The following CLTCL1 variants were observed in gnomAD, a reference collection of about 807,000 sequenced individuals.
CLTCL1 encodes clathrin heavy chain 2.
A neutral mutation model predicts 190.0 loss-of-function variants in CLTCL1; 159 were observed. The observed-to-expected ratio is 0.84, with a 90% CI of 0.74 to 0.95. The LOEUF (loss-of-function observed/expected upper bound fraction) is 0.95, where lower values mean the gene tolerates loss of function less well. Ranked by LOEUF, CLTCL1 falls within the 40% of genes least tolerant of loss-of-function variation. The probability of loss-of-function intolerance (pLI) is 0.00; values close to 1 mark genes in which losing one functional copy is unlikely to be tolerated. For missense variants in CLTCL1, 1,878 were observed against 2,033.4 expected, an observed-to-expected ratio of 0.92 and a Z score of 1.47; for synonymous variants, 752 against 769.6, an observed-to-expected ratio of 0.98 and a Z score of 0.38.
intron 1 of CLTCL1, among the ~76,000 whole-genome samples, chr22:19,288,829 G>A (rs893995627): frequency 4.6e-5 from 7 of 152,264 alleles, no homozygotes; most frequent in African/African-American, 1.7e-4. Context: ...CCATGGGGCA[G>A]TGGGTGTGGG....
intron 2 of CLTCL1, among the ~76,000 whole-genome samples, chr22:19,266,110 T>C (rs1463596165): frequency 1.3e-5 from 2 of 152,160 alleles, no homozygotes; most frequent in African/African-American, 4.8e-5. Flanking sequence ...CTTGAACTTC[T>C]GGTCCCAAGT....
chr22:19,242,424 T>C (rs1376361305), intron 4 of CLTCL1, among the ~76,000 whole-genome samples: 1 of 152,098 alleles, frequency 6.6e-6, no homozygotes, highest in Non-Finnish European at 1.5e-5. Context: ...GCCTCCCAAG[T>C]AGCTGGGTTT....
rs2086021917 is a variant in CLTCL1, at chr22:19,234,665, A to G, written c.1011T>C (p.Tyr337=). 7 of 1,613,936 alleles carry G rather than the reference A, an allele frequency of 4.3e-6. No individual in the cohort carries two copies. Among genetic ancestry groups the G allele is most frequent in the Non-Finnish European group, 5.9e-6 (7 of 1,179,906 alleles). The part of the protein sequence containing the change: ...VCVEEDNIVN[Y]ATNVLQNPDL... ...CTGGATTCTGAAGCACGTTGGTTGC[A>G]TAATTCACAATGTTATCTTCCTCAA... Residue 337 remains tyrosine, a synonymous_variant, in exon 7 of 33, where the codon TAT becomes TAC. Coordinates refer to ENST00000427926, the MANE Select transcript of CLTCL1 (RefSeq NM_007098.4).
At chr22:19,201,239 G>A in intron 23 of CLTCL1, 90 bp downstream of exon 23, 2 of 1,427,378 alleles carry the variant, frequency 1.4e-6, no homozygotes, top group Admixed American at 2.2e-5. Context: ...CAAGAGACCG[G>A]CACCCAGAAG....
intron 19 of CLTCL1, among the ~76,000 whole-genome samples, chr22:19,211,857 A>G (rs1262686017): frequency 2.0e-5 from 3 of 152,068 alleles, no homozygotes; most frequent in Non-Finnish European, 4.4e-5. Flanking sequence ...CAAAAAAAAA[A>G]AAATCCAATA....
intron 1 of CLTCL1, among the ~76,000 whole-genome samples, chr22:19,289,385 A>G (rs2088026384): frequency 1.3e-5 from 2 of 152,244 alleles, no homozygotes; most frequent in Admixed American, 6.5e-5. Context: ...AAATGTAAGA[A>G]TATGGGACAG....
intron 2 of CLTCL1, among the ~76,000 whole-genome samples, chr22:19,254,985 G>T (rs2086702710): frequency 6.6e-6 from 1 of 152,066 alleles, no homozygotes; most frequent in South Asian, 2.1e-4. Flanking sequence ...ACAAAATTTA[G>T]ACCTAACATA....
chr22:19,210,214 G>A (rs371242691), intron 20 of CLTCL1, 112 bp downstream of exon 20: 12 of 991,324 alleles, frequency 1.2e-5, no homozygotes, highest in African/African-American at 8.1e-5. Flanking sequence ...ACGAAGAGAT[G>A]CACTGGACAA....
chr22:19,215,472 C>T (rs1305497565), intron 19 of CLTCL1, among the ~76,000 whole-genome samples: 1 of 152,248 alleles, frequency 6.6e-6, no homozygotes, highest in Non-Finnish European at 1.5e-5. Context: ...ACTCTTACCT[C>T]TATGGTGCCT....
At chr22:19,186,315 T>C (rs1454547583) in intron 29 of CLTCL1, among the ~76,000 whole-genome samples, 1 of 152,030 alleles carries the variant, frequency 6.6e-6, no homozygotes, top group Non-Finnish European at 1.5e-5. Flanking sequence ...AAGGGCCCTC[T>C]TGTACAACTC....
At chr22:19,250,150 T>C (rs1249604524) in intron 3 of CLTCL1, among the ~76,000 whole-genome samples, 2 of 151,586 alleles carry the variant, frequency 1.3e-5, no homozygotes, top group African/African-American at 4.9e-5. Context: ...GCTACTCGGG[T>C]GGCTGAGGCA....
chr22:19,217,547 C>T (rs1247511072), intron 18 of CLTCL1, among the ~76,000 whole-genome samples: 3 of 129,862 alleles, frequency 2.3e-5, no homozygotes, highest in Middle Eastern at 4.4e-3. Context: ...ACCCGGAAGG[C>T]GGAGCTTGCA....
chr22:19,257,297 C>T (rs1555973106), intron 2 of CLTCL1, among the ~76,000 whole-genome samples: 1 of 152,070 alleles, frequency 6.6e-6, no homozygotes, highest in African/African-American at 2.4e-5. Context: ...CATATATGAT[C>T]AAATGATCTT....
At chr22:19,184,644 C>G in intron 29 of CLTCL1, 2 of 446,532 alleles carry the variant, frequency 4.5e-6, no homozygotes, top group South Asian at 3.1e-5. Context: ...GCCGTGCCCT[C>G]CACCGGCCCA....
chr22:19,188,079 G>T lies in CLTCL1; in HGVS notation c.4336C>A (p.Pro1446Thr). 1.2e-6 allele frequency: 2 copies of T among 1,614,012 alleles called. No individual in the cohort carries two copies. Among genetic ancestry groups the T allele is most frequent in the Non-Finnish European group, 1.7e-6 (2 of 1,179,868 alleles). Reference sequence around the variant, plus strand: ...GACCGCAGGTAAGGCTTCACCAGGGGCAGCTGACCTGCCTGACAAGTTGAG... The same window carrying T: ...GACCGCAGGTAAGGCTTCACCAGGGTCAGCTGACCTGCCTGACAAGTTGAG... ...VSFFSKAGQL[P>T]LVKPYLRSVQ... is the part of the protein sequence containing the mutation. Residue 1446 changes from proline (P) to threonine (T), a missense_variant, in exon 28 of 33, where the codon CCC (proline) becomes ACC (threonine). Transcript: ENST00000427926.
At chr22:19,278,803 G>A (rs2087604470) in intron 1 of CLTCL1, among the ~76,000 whole-genome samples, 2 of 152,176 alleles carry the variant, frequency 1.3e-5, no homozygotes, top group South Asian at 4.1e-4. Flanking sequence ...GTGCAGTGGC[G>A]TGATCTCGGC....
At position 19,243,086 on chromosome 22, in the gene CLTCL1, A is replaced by G. The variant is rs1412164205; in HGVS notation, c.520-150T>C. On this transcript the variant is annotated intron_variant, in intron 3 of 32. Coordinates refer to ENST00000427926, the MANE Select transcript of CLTCL1 (RefSeq NM_007098.4). ...AAATGTATTAGCTATTAAAGGCATG[A>G]TATCACTCTGAATTTTATGTGGAAA... 3 of 729,548 alleles carry G rather than the reference A, an allele frequency of 4.1e-6. No individual in the cohort carries two copies. In the African/African-American group the frequency reaches 5.3e-5, roughly 13 times the overall value. The allele number at this position is 729,548 out of a possible 1,614,324, so 45.2% of individuals were successfully genotyped here.
At chr22:19,206,656 T>C (rs982012580) in intron 22 of CLTCL1, among the ~76,000 whole-genome samples, 3 of 152,174 alleles carry the variant, frequency 2.0e-5, no homozygotes, top group African/African-American at 7.2e-5. Flanking sequence ...AGGCTGGTCT[T>C]GAACTCCTGT....
intron 2 of CLTCL1, among the ~76,000 whole-genome samples, chr22:19,271,355 A>T (rs1365529579): frequency 1.3e-5 from 2 of 151,924 alleles, no homozygotes; most frequent in Admixed American, 6.6e-5. Flanking sequence ...GGTGATAGTG[A>T]GTGAGTTCTC....
Sources: gnomAD v4.1 joint callset for allele counts (sites outside exome capture counted in the v4.1 genomes callset) on GRCh38, gnomAD v4.1.1 for gene constraint, MANE v1.5 for transcripts, NCBI Gene and HGNC (gene_info 2026-07-23, HGNC 2026-07-21) for gene names.